Variants in HUWE1 observed in about 807,000 individuals in gnomAD.
HUWE1 encodes HECT, UBA and WWE domain containing E3 ubiquitin protein ligase 1.
In HUWE1, 18 loss-of-function variants were observed where a neutral mutation model predicts 299.4. The observed-to-expected ratio is 0.06, with a 90% CI of 0.04 to 0.09. The LOEUF (loss-of-function observed/expected upper bound fraction) is 0.09. Among genes scored for constraint, HUWE1 ranks in the 10% least tolerant of loss-of-function variants. The pLI is 1.00. For missense variants in HUWE1, 1,832 were observed against 3,462.3 expected (o/e 0.53, Z 11.82); for synonymous variants, 1,317 against 1,286.1 (o/e 1.02, Z -0.51).
At position 53,554,500 on chromosome X, in the gene HUWE1, G is replaced by A. The variant is rs1054147119; in HGVS notation, c.8494+133C>T. On this transcript the variant is annotated intron_variant, in intron 61 of 83. Coordinates refer to ENST00000262854, the MANE Select transcript of HUWE1 (RefSeq NM_031407.7). ...CAACTTCACTTAAGAAAGTGAATGCGCAAGACGAGATCTTATTATTTGAGA... is the reference window on the plus strand; with the variant it reads ...CAACTTCACTTAAGAAAGTGAATGCACAAGACGAGATCTTATTATTTGAGA... 38 of 635,917 alleles carry A rather than the reference G, an allele frequency of 6.0e-5. 1 individual carries two copies. In the Admixed American group the frequency reaches 9.0e-4, roughly 15 times the overall value. 52.4% of individuals were successfully genotyped at this position (635,917 alleles called of 1,213,427 possible).
In HUWE1 at chrX:53,658,049, C is replaced by CAAAA. The variant is rs782662378; in HGVS notation, c.-24-3922_-24-3919dup. ...GGGGCGACAAAGCAAGACTCCGTCT[C>CAAAA]AAAAAAAAAAAAAGTCAATTGCTTT... On this transcript the variant is annotated intron_variant, in intron 3 of 83. Transcript: ENST00000262854. Among the ~76,000 whole-genome samples the CAAAA allele has an allele frequency of 1.3e-4, 5 of 38,041 alleles. 1 individual carries two copies. The highest frequency in any genetic ancestry group is 2.0e-4 in the African/African-American group (2 of 9,922). The allele number at this position is 38,041 out of a possible 115,157, so 33.0% of individuals were successfully genotyped here.
chrX:53,543,794 A>G (rs782605760), intron 73 of HUWE1, 47 bp downstream of exon 73: 1 of 1,208,997 alleles, frequency 8.3e-7, no homozygotes, highest in Admixed American at 2.2e-5. Flanking sequence ...TGGTGGGGGG[A>G]TGAGTGGAGA....
chrX:53,625,853 A>T (rs185693518), intron 17 of HUWE1: 1 of 156,931 alleles, frequency 6.4e-6, no homozygotes, highest in South Asian at 1.2e-4. Flanking sequence ...GGCCGGGGCC[A>T]GGGCCGGGGC....
intron 19 of HUWE1, among the ~76,000 whole-genome samples, chrX:53,618,143 C>T (rs1325381777): frequency 9.0e-6 from 1 of 111,681 alleles, no homozygotes; most frequent in South Asian, 3.7e-4. Context: ...AGTAACCAAA[C>T]AAGCTATGAA....
chrX:53,606,033 G>C (rs937750219), intron 25 of HUWE1, among the ~76,000 whole-genome samples: 1 of 111,611 alleles, frequency 9.0e-6, no homozygotes, highest in African/African-American at 3.3e-5. Context: ...GCAAAACATC[G>C]GATTTGGCAA....
chrX:53,546,124 C>T (rs782236719), intron 70 of HUWE1, among the ~76,000 whole-genome samples: 10 of 111,232 alleles, frequency 9.0e-5, no homozygotes, highest in African/African-American at 1.3e-4. Flanking sequence ...GGGGCTCTTA[C>T]GAGTGCCCAG....
At chrX:53,543,770 C>A in intron 73 of HUWE1, 71 bp downstream of exon 73, 1 of 1,203,777 alleles carries the variant, frequency 8.3e-7, no homozygotes, top group Non-Finnish European at 1.1e-6. Flanking sequence ...GGCAATGAAA[C>A]CCCACTGATG....
chrX:53,635,967 T>C (rs1557026186), intron 7 of HUWE1, among the ~76,000 whole-genome samples: 1 of 112,580 alleles, frequency 8.9e-6, no homozygotes, highest in East Asian at 2.8e-4. Flanking sequence ...AAACTACACT[T>C]GATCTACTGG....
chrX:53,615,128 T>C (rs2065725158), intron 22 of HUWE1, among the ~76,000 whole-genome samples: 1 of 110,321 alleles, frequency 9.1e-6, no homozygotes, highest in Non-Finnish European at 1.9e-5. Context: ...GAAAGGGTAA[T>C]ATGCTTTACA....
intron 81 of HUWE1, among the ~76,000 whole-genome samples, chrX:53,534,925 G>A (rs1246355687): frequency 9.2e-6 from 1 of 109,115 alleles, no homozygotes; most frequent in East Asian, 2.9e-4. Flanking sequence ...TGTGTCCAGT[G>A]AAGTTAAGCT....
intron 25 of HUWE1, 53 bp downstream of exon 25, chrX:53,607,470 C>T (rs977794275): frequency 1.5e-5 from 17 of 1,118,380 alleles, no homozygotes; most frequent in African/African-American, 7.2e-5. Context: ...ACAGAAGTAT[C>T]GCAAAATTGA....
Position 53,533,384 on chromosome X carries a change from A to G in HUWE1, c.13050T>C (p.Tyr4350=). Residue 4350 remains tyrosine (Y), a synonymous_variant, in exon 84 of 84, where the codon TAT becomes TAC. Coordinates refer to ENST00000262854, the MANE Select transcript of HUWE1 (RefSeq NM_031407.7). The part of the protein sequence containing the change: ...TCFNQLDLPA[Y]ESFEKLRHML... ...TGTGGCGGAGCTTCTCAAAGCTCTC[A>G]TAGGCAGGCAGATCCAGCTGATTAA... is the stretch of plus-strand genomic sequence containing the variant. 8.3e-7 allele frequency: 1 copy of G among 1,202,692 alleles called. No individual in the cohort carries two copies.
intron 3 of HUWE1, among the ~76,000 whole-genome samples, chrX:53,665,361 A>T (rs1392127828): frequency 2.7e-5 from 3 of 112,253 alleles, no homozygotes; most frequent in Non-Finnish European, 5.6e-5. Context: ...AAAATCTGAA[A>T]ACACACTATA....
chrX:53,675,221 C>A (rs1243720315), intron 3 of HUWE1, among the ~76,000 whole-genome samples: 1 of 111,137 alleles, frequency 9.0e-6, no homozygotes, highest in African/African-American at 3.3e-5. Context: ...AGTTTAAAGG[C>A]ACAGGAAAGA....
chrX:53,660,551 G>A (rs782472843), intron 3 of HUWE1, among the ~76,000 whole-genome samples: 3 of 112,025 alleles, frequency 2.7e-5, no homozygotes, highest in South Asian at 7.4e-4. Flanking sequence ...CAGTGGGAGG[G>A]GGGAACGTTA....
At chrX:53,653,931 G>A (rs2068624144) in intron 4 of HUWE1, 132 bp downstream of exon 4, 1 of 489,390 alleles carries the variant, frequency 2.0e-6, no homozygotes, top group East Asian at 3.8e-5. Flanking sequence ...ACTGTTTCTA[G>A]ACAAGTTGTT....
Position 53,533,266 on chromosome X carries a change from C to T in HUWE1, c.*43G>A. 2 of 901,562 alleles carry T rather than the reference C, an allele frequency of 2.2e-6. No individual in the cohort carries two copies. Among genetic ancestry groups the T allele is most frequent in the Non-Finnish European group, 3.2e-6 (2 of 619,852 alleles). The allele number at this position is 901,562 out of a possible 1,213,427, so 74.3% of individuals were successfully genotyped here. A position where few individuals can be genotyped will look rare whatever the true frequency, so the allele number is the denominator to read the frequency against. On this transcript the variant is annotated 3_prime_UTR_variant, in exon 84 of 84. Transcript: ENST00000262854. ...TTTTTAACTCCCCCCTCCCCAGGTCCAACAATGGTAAAAAAAACCCCACGG... is the reference window on the plus strand; with the variant it reads ...TTTTTAACTCCCCCCTCCCCAGGTCTAACAATGGTAAAAAAAACCCCACGG...
At position 53,568,708 on chromosome X, in the gene HUWE1, T is replaced by A; in HGVS notation, c.6691A>T (p.Ser2231Cys). ...TGATTTTACCTGGACAGGTCTAAGC[T>A]GTGAGGTACTCTGGCCAGGTCATTA... is the stretch of plus-strand genomic sequence containing the variant. ...LVNDLARVPH[S>C]LDLSSPNMAN... Residue 2231 changes from serine to cysteine, a missense_variant, in exon 49 of 84, where the codon AGC becomes TGC. Around this residue, in one of 15 missense-constraint regions of HUWE1, gnomAD observed 157 missense variants for 252.3 expected, o/e 0.62. Coordinates refer to ENST00000262854, the MANE Select transcript of HUWE1 (RefSeq NM_031407.7). 1 of 1,210,686 alleles carries A rather than the reference T, an allele frequency of 8.3e-7. No homozygotes were observed. The highest frequency in any genetic ancestry group is 1.1e-6 in the Non-Finnish European group (1 of 894,796).
chrX:53,657,752 A>G (rs2068811608), intron 3 of HUWE1, among the ~76,000 whole-genome samples: 1 of 111,052 alleles, frequency 9.0e-6, no homozygotes, highest in Non-Finnish European at 1.9e-5. Context: ...AGGTTAATAT[A>G]CAAAAGTCAA....
Sources: gnomAD v4.1 joint callset for allele counts (sites outside exome capture counted in the v4.1 genomes callset) on GRCh38, gnomAD v4.1.1 for gene constraint, gnomAD v4.1.1 regional missense constraint, MANE v1.5 for transcripts, NCBI Gene and HGNC (gene_info 2026-07-23, HGNC 2026-07-21) for gene names.